Variants in PCSK5 observed in about 807,000 individuals in gnomAD.
PCSK5 encodes the protein prohormone convertase 5.
Under a neutral mutation model 233.2 loss-of-function variants are expected in PCSK5, and 129 were observed. The observed-to-expected ratio is 0.55, with a 90% CI of 0.48 to 0.64. The LOEUF is 0.64. Ranked by LOEUF, PCSK5 falls within the 30% of genes least tolerant of loss-of-function variation. The probability of loss-of-function intolerance (pLI) is 0.00; values close to 1 mark genes in which losing one functional copy is unlikely to be tolerated. For synonymous variants in PCSK5, 825 were observed against 879.2 expected (o/e 0.94, Z 1.09); for missense variants, 2,076 against 2,430.1 (o/e 0.85, Z 3.06).
chr9:76,214,051 C>T (rs191218922), intron 20 of PCSK5, among the ~76,000 whole-genome samples: 12 of 152,140 alleles, frequency 7.9e-5, no homozygotes, highest in African/African-American at 2.2e-4. Context: ...TGGCCCTGTC[C>T]TCGGGGAAGA....
At chr9:76,128,373 C>T (rs1339473300) in intron 9 of PCSK5, among the ~76,000 whole-genome samples, 2 of 152,182 alleles carry the variant, frequency 1.3e-5, no homozygotes, top group African/African-American at 2.4e-5. Context: ...TGGTGGAAAG[C>T]TTCATAATTG....
chr9:76,212,961 A>G (rs1438889791), intron 20 of PCSK5, among the ~76,000 whole-genome samples: 1 of 152,202 alleles, frequency 6.6e-6, no homozygotes, highest in Admixed American at 6.5e-5. Flanking sequence ...GCAGAGCATT[A>G]AGGATCTTAT....
At chr9:76,278,575 A>G in intron 24 of PCSK5, among the ~76,000 whole-genome samples, 1 of 152,098 alleles carries the variant, frequency 6.6e-6, no homozygotes, top group African/African-American at 2.4e-5. Flanking sequence ...TCTGTAACAC[A>G]CATTTATTTT....
intron 7 of PCSK5, among the ~76,000 whole-genome samples, chr9:76,079,297 A>G (rs1830752156): frequency 6.7e-6 from 1 of 149,900 alleles, no homozygotes; most frequent in African/African-American, 2.5e-5. Flanking sequence ...AGAGATCCCC[A>G]TCTCTACTAA....
intron 1 of PCSK5, among the ~76,000 whole-genome samples, chr9:75,901,661 G>A (rs372187675): frequency 6.6e-6 from 1 of 151,596 alleles, no homozygotes; most frequent in Non-Finnish European, 1.5e-5. Context: ...GACCACCTGT[G>A]GCAAGTTGGA....
At position 76,188,688 on chromosome 9, in the gene PCSK5, G is replaced by GTTCTT; in HGVS notation, c.2380+16_2380+20dup. The GTTCTT allele has an allele frequency of 6.3e-7, 1 of 1,598,488 alleles. No individual in the cohort carries two copies. The highest frequency in any genetic ancestry group is 8.6e-7 in the Non-Finnish European group (1 of 1,166,384). On this transcript the variant is annotated intron_variant, in intron 18 of 37. Coordinates refer to ENST00000674117, the MANE Select transcript of PCSK5 (RefSeq NM_001372043.1). ...GCCACTTGTGCTGGTACCTTCCCTAGTTCTTTTGTTTATTCTCCCGGTTCT... is the reference window on the plus strand; with the variant it reads ...GCCACTTGTGCTGGTACCTTCCCTAGTTCTTTTCTTTTGTTTATTCTCCCGGTTCT...
intron 14 of PCSK5, among the ~76,000 whole-genome samples, chr9:76,179,046 A>G (rs551236457): frequency 3.7e-4 from 57 of 152,182 alleles, no homozygotes; most frequent in Non-Finnish European, 7.1e-4. Context: ...GTAGGATGCA[A>G]TTTTAAATCT....
chr9:76,044,062 T>C (rs1829264189), intron 5 of PCSK5, among the ~76,000 whole-genome samples: 3 of 152,226 alleles, frequency 2.0e-5, no homozygotes, highest in South Asian at 2.1e-4. Flanking sequence ...TACATTCTTA[T>C]GTATTAACCA....
intron 2 of PCSK5, among the ~76,000 whole-genome samples, chr9:75,974,862 A>C (rs929200150): frequency 1.3e-5 from 2 of 152,214 alleles, no homozygotes; most frequent in Non-Finnish European, 2.9e-5. Context: ...GACAGAATAC[A>C]CTTATGCAAA....
Position 76,184,687 on chromosome 9 carries a change from C to T in PCSK5, c.2212C>T (p.Arg738Trp), listed in dbSNP as rs371164013. 81 of 1,607,538 alleles carry T rather than the reference C, an allele frequency of 5.0e-5. No individual in the cohort carries two copies. Among genetic ancestry groups the T allele is most frequent in the South Asian group, 1.7e-4 (15 of 90,606 alleles). The change falls in exon 17 of 38, where the codon CGG (arginine) becomes TGG (tryptophan). Residue 738 changes from arginine to tryptophan, a missense_variant. Arg to Trp is a moderately radical substitution (Grantham distance 101, BLOSUM62 -3). Around this residue, in one of 6 missense-constraint regions of PCSK5, gnomAD observed 1,510 missense variants for 1,538.1 expected, o/e 0.98. Transcript: ENST00000674117. ...SYQDTKKNLC[R>W]KCSENCKTCT... is the part of the protein sequence containing the mutation. ...TTTTTTAACAGAGAAAAATCTTTGC[C>T]GGAAATGCAGTGAAAACTGCAAGAC...
intron 24 of PCSK5, among the ~76,000 whole-genome samples, chr9:76,267,950 TACACACACAC>T (rs10539241): frequency 0.016 from 2,408 of 149,346 alleles, 54 homozygotes; most frequent in African/African-American, 0.052. Flanking sequence ...CTTATGGGTA[TACACACACAC>T]ACACACACAC....
At chr9:76,333,502 C>T (rs1829593627) in intron 34 of PCSK5, among the ~76,000 whole-genome samples, 1 of 152,212 alleles carries the variant, frequency 6.6e-6, no homozygotes, top group African/African-American at 2.4e-5. Flanking sequence ...GACACACGCA[C>T]TTGATGTATC....
chr9:76,236,186 C>T (rs1036978714), intron 22 of PCSK5, among the ~76,000 whole-genome samples: 1 of 152,196 alleles, frequency 6.6e-6, no homozygotes, highest in Non-Finnish European at 1.5e-5. Context: ...TGGTAGTCAA[C>T]TTCATCAAGT....
chr9:76,192,728 T>A (rs1824464973), intron 20 of PCSK5, among the ~76,000 whole-genome samples: 1 of 151,450 alleles, frequency 6.6e-6, no homozygotes. Context: ...AAACAGAATG[T>A]TACATAAGTA....
rs527854908 is a variant in PCSK5, at chr9:75,891,165, A to G, written c.-17A>G. 8.9e-6 allele frequency: 13 copies of G among 1,454,324 alleles called. No individual in the cohort carries two copies. In the East Asian group the frequency reaches 3.3e-4, roughly 37 times the overall value. 90.1% of individuals were successfully genotyped at this position (1,454,324 alleles called of 1,614,324 possible). Reference sequence around the variant, plus strand: ...GGAACCAGCCAGCGAGCGAGGGAGCAGCGAGGCGCCGGGACCATGGGCTGG... The same window carrying G: ...GGAACCAGCCAGCGAGCGAGGGAGCGGCGAGGCGCCGGGACCATGGGCTGG... On this transcript the variant is annotated 5_prime_UTR_variant, in exon 1 of 38. Coordinates refer to ENST00000674117, the MANE Select transcript of PCSK5 (RefSeq NM_001372043.1).
In PCSK5 at chr9:75,984,862, A is replaced by G. The variant is rs972573039; in HGVS notation, c.298-1270A>G. 3.3e-5 allele frequency among the ~76,000 whole-genome samples: 5 copies of G among 152,306 alleles called. No homozygotes were observed. In the East Asian group the frequency reaches 5.8e-4, roughly 18 times the overall value. ...CCTGGAAATAGAAAATGTACGTGCA[A>G]ACCCATCCTTGCTGCTCCACTTTGA... On this transcript the variant is annotated intron_variant, in intron 2 of 37. Coordinates refer to ENST00000674117, the MANE Select transcript of PCSK5 (RefSeq NM_001372043.1).
chr9:76,183,117 C>T (rs756799159), intron 16 of PCSK5, among the ~76,000 whole-genome samples: 22 of 152,040 alleles, frequency 1.4e-4, no homozygotes, highest in South Asian at 4.2e-4. Flanking sequence ...ATGCAGTATT[C>T]CTTGTGAGGA....
At position 76,113,580 on chromosome 9, in the gene PCSK5, G is replaced by A. The variant is rs372963157; in HGVS notation, c.1208+6229G>A. On this transcript the variant is annotated intron_variant, in intron 9 of 37. Coordinates refer to ENST00000674117, the MANE Select transcript of PCSK5 (RefSeq NM_001372043.1). ...TGAGAAGTTAATATGTGGGACAGTC[G>A]AGAAGGGTTCTGGAGTTTTAAACAA... Among the ~76,000 whole-genome samples, 29 of 152,180 alleles carry A rather than the reference G, an allele frequency of 1.9e-4. No homozygotes were observed. The South Asian group carries it at 6.0e-3, about 32-fold the overall frequency.
chr9:76,139,464 G>A (rs1362158810), intron 10 of PCSK5, among the ~76,000 whole-genome samples: 2 of 152,062 alleles, frequency 1.3e-5, no homozygotes, highest in South Asian at 4.1e-4. Context: ...AAAGGTTGAA[G>A]TGAAGTGGTA....
Sources: gnomAD v4.1 joint callset for allele counts (sites outside exome capture counted in the v4.1 genomes callset) on GRCh38, gnomAD v4.1.1 for gene constraint, gnomAD v4.1.1 regional missense constraint, MANE v1.5 for transcripts, NCBI Gene and HGNC (gene_info 2026-07-23, HGNC 2026-07-21) for gene names.